The following ABI1 variants were observed in gnomAD, a reference collection of about 807,000 sequenced individuals.
ABI1 encodes Abelson interactor 1.
In ABI1, 14 loss-of-function variants were observed where a neutral mutation model predicts 54.6. That is an observed-to-expected ratio of 0.26 (90% CI 0.17 to 0.40). The LOEUF (loss-of-function observed/expected upper bound fraction) is 0.40. Among genes scored for constraint, ABI1 ranks in the 10% least tolerant of loss-of-function variants. The pLI is 1.00. For missense variants in ABI1, 443 were observed against 598.3 expected (o/e 0.74, Z 2.71); for synonymous variants, 194 against 209.3 (o/e 0.93, Z 0.63).
chr10:26,820,736 C>T (rs924852611), intron 2 of ABI1, among the ~76,000 whole-genome samples: 17 of 151,542 alleles, frequency 1.1e-4, no homozygotes, highest in African/African-American at 2.9e-4. Context: ...TACAGGTGCC[C>T]GCCACCACGC....
chr10:26,770,371 AT>A lies in ABI1; in HGVS notation c.478-27del, dbSNP rs372134972. The A allele has an allele frequency of 3.4e-3, 5,358 of 1,585,282 alleles. 23 individuals are homozygous for A. Among genetic ancestry groups the A allele is most frequent in the South Asian group, 6.7e-3 (604 of 90,436 alleles). On this transcript the variant is annotated intron_variant, in intron 4 of 10. Coordinates refer to ENST00000376140, the MANE Select transcript of ABI1 (RefSeq NM_001012750.3). ...CTAAAATGTAGAAAGAAATGCTTTT[AT>A]TTTTATATCAAATTGTTCTCCTGGT...
At chr10:26,801,596 T>C (rs2046567695) in intron 2 of ABI1, among the ~76,000 whole-genome samples, 1 of 151,604 alleles carries the variant, frequency 6.6e-6, no homozygotes, top group Non-Finnish European at 1.5e-5. Context: ...TTAGGGGCAA[T>C]GAGAGCATCA....
At chr10:26,856,084 G>C (rs369925911) in intron 1 of ABI1, among the ~76,000 whole-genome samples, 1 of 150,754 alleles carries the variant, frequency 6.6e-6, no homozygotes, top group Admixed American at 6.6e-5. Flanking sequence ...GCCAGAGTTC[G>C]AGATCAGCCT....
chr10:26,829,937 T>C (rs2048556211), intron 1 of ABI1, among the ~76,000 whole-genome samples: 1 of 152,180 alleles, frequency 6.6e-6, no homozygotes, highest in Non-Finnish European at 1.5e-5. Flanking sequence ...ATAACCACCA[T>C]GATAAAGAAC....
intron 7 of ABI1, 31 bp downstream of exon 7, chr10:26,765,187 T>C: frequency 1.4e-6 from 2 of 1,413,266 alleles, no homozygotes; most frequent in Non-Finnish European, 1.9e-6. Flanking sequence ...AATATTATCA[T>C]GTATTAAACA....
chr10:26,803,007 T>C (rs576790267), intron 2 of ABI1, among the ~76,000 whole-genome samples: 3 of 152,132 alleles, frequency 2.0e-5, no homozygotes, highest in African/African-American at 7.2e-5. Context: ...CAGGAGTATA[T>C]ATAGAAGTAC....
chr10:26,827,477 T>A (rs1292684914), intron 1 of ABI1, among the ~76,000 whole-genome samples: 2 of 150,410 alleles, frequency 1.3e-5, no homozygotes, highest in African/African-American at 4.9e-5. Flanking sequence ...CACCTCCGCC[T>A]CCCAAAATGC....
At chr10:26,770,213 A>T in intron 5 of ABI1, 32 bp downstream of exon 5, 1 of 1,567,662 alleles carries the variant, frequency 6.4e-7, no homozygotes, top group Non-Finnish European at 8.8e-7. Flanking sequence ...TTAGCATATG[A>T]ATTCTTTTGC....
intron 2 of ABI1, among the ~76,000 whole-genome samples, chr10:26,802,265 G>T (rs1030949125): frequency 6.6e-6 from 1 of 152,084 alleles, no homozygotes; most frequent in Non-Finnish European, 1.5e-5. Flanking sequence ...AGTAATTTAG[G>T]ATTTTTTCCC....
At chr10:26,830,386 T>C (rs1414478600) in intron 1 of ABI1, among the ~76,000 whole-genome samples, 1 of 151,586 alleles carries the variant, frequency 6.6e-6, no homozygotes, top group South Asian at 2.1e-4. Flanking sequence ...TTTTGGGAGG[T>C]CATGGCGAGA....
chr10:26,765,707 T>G (rs1839869475), intron 6 of ABI1, among the ~76,000 whole-genome samples: 3 of 137,674 alleles, frequency 2.2e-5, no homozygotes, highest in Admixed American at 7.6e-5. Context: ...GGAGGGAAAG[T>G]GGTAGGCAAT....
At chr10:26,802,898 T>C (rs908052099) in intron 2 of ABI1, among the ~76,000 whole-genome samples, 1 of 152,196 alleles carries the variant, frequency 6.6e-6, no homozygotes, top group Non-Finnish European at 1.5e-5. Context: ...TCACAGATAC[T>C]GATTGACAAA....
In ABI1 at chr10:26,768,933, T is replaced by G; in HGVS notation, c.638A>C (p.Tyr213Ser). The G allele has an allele frequency of 6.2e-7, 1 of 1,613,472 alleles. No individual in the cohort carries two copies. Residue 213 changes from tyrosine to serine, a missense_variant, in exon 6 of 11, where the codon TAT becomes TCT. Transcript: ENST00000376140. ...TCCAAGCCTAGCAGGACTGGTCATA[T>G]AGTCATTAGGAACTGTTGGGGGTTT... ...PVKPPTVPND[Y>S]MTSPARLGSQ...
intron 2 of ABI1, among the ~76,000 whole-genome samples, chr10:26,806,744 G>A (rs567806182): frequency 1.3e-5 from 2 of 152,132 alleles, no homozygotes; most frequent in East Asian, 3.9e-4. Flanking sequence ...ACCTTACAGG[G>A]GAAGCAGCAC....
intron 4 of ABI1, chr10:26,770,621 A>C (rs537990713): frequency 6.4e-6 from 4 of 627,040 alleles, no homozygotes. Flanking sequence ...ACTGAGATCA[A>C]ACTTATCTGC....
chr10:26,836,315 G>A (rs1331551646), intron 1 of ABI1, among the ~76,000 whole-genome samples: 2 of 151,892 alleles, frequency 1.3e-5, no homozygotes, highest in African/African-American at 4.8e-5. Flanking sequence ...GTTTCACCAT[G>A]TTAGCCAGCC....
intron 1 of ABI1, among the ~76,000 whole-genome samples, chr10:26,840,914 C>G (rs1318375746): frequency 6.6e-6 from 1 of 151,906 alleles, no homozygotes; most frequent in Non-Finnish European, 1.5e-5. Context: ...TTTGGTCCAT[C>G]ATCAACCACT....
At chr10:26,772,744 A>T (rs1840852129) in intron 3 of ABI1, among the ~76,000 whole-genome samples, 1 of 152,060 alleles carries the variant, frequency 6.6e-6, no homozygotes, top group African/African-American at 2.4e-5. Flanking sequence ...TATCCCCAAA[A>T]TATATCCAAA....
chr10:26,841,478 T>C (rs938823223), intron 1 of ABI1, among the ~76,000 whole-genome samples: 4 of 150,922 alleles, frequency 2.7e-5, no homozygotes, highest in Non-Finnish European at 4.4e-5. Flanking sequence ...CCAAATATAG[T>C]ACAATTTTAT....
Sources: allele counts gnomAD v4.1 joint callset (sites outside exome capture counted in the v4.1 genomes callset), GRCh38; gene constraint gnomAD v4.1.1; transcripts MANE v1.5; gene names NCBI Gene and HGNC (gene_info 2026-07-23, HGNC 2026-07-21).